Variants in GDI2 observed in about 807,000 individuals in gnomAD.
GDI2 encodes rab GDP dissociation inhibitor beta.
Under a neutral mutation model 54.2 loss-of-function variants are expected in GDI2, and 22 were observed. That is an observed-to-expected ratio of 0.41 (90% CI 0.29 to 0.58). The LOEUF (loss-of-function observed/expected upper bound fraction) is 0.58. Among genes scored for constraint, GDI2 ranks in the 20% least tolerant of loss-of-function variants. GDI2 has a pLI of 0.35. For missense variants in GDI2, 422 were observed against 546.0 expected (o/e 0.77, Z 2.26); for synonymous variants, 177 against 182.1 (o/e 0.97, Z 0.23).
At position 5,813,300 on chromosome 10, in the gene GDI2, C is replaced by A; in HGVS notation, c.-42G>T. 1 of 1,474,390 alleles carries A rather than the reference C, an allele frequency of 6.8e-7. No individual in the cohort carries two copies. The highest frequency in any genetic ancestry group is 9.3e-7 in the Non-Finnish European group (1 of 1,076,644). The allele number at this position is 1,474,390 out of a possible 1,614,324, so 91.3% of individuals were successfully genotyped here. A position where few individuals can be genotyped will look rare whatever the true frequency, so the allele number is the denominator to read the frequency against. On this transcript the variant is annotated 5_prime_UTR_variant, in exon 1 of 11. Transcript: ENST00000380191. ...ACGCAGGACCCGAGCAAGGAAAAGG[C>A]GCAGGGGCTCCGTGACCACCCTACG...
chr10:5,778,486 C>T (rs1021303616), intron 6 of GDI2, among the ~76,000 whole-genome samples: 3 of 152,152 alleles, frequency 2.0e-5, no homozygotes, highest in Admixed American at 6.5e-5. Flanking sequence ...TGAAACTATA[C>T]GTGTGTGCCA....
At chr10:5,794,027 G>A (rs1200839519) in intron 4 of GDI2, among the ~76,000 whole-genome samples, 1 of 151,418 alleles carries the variant, frequency 6.6e-6, no homozygotes, top group Non-Finnish European at 1.5e-5. Flanking sequence ...AGCCGGGCGT[G>A]TTGGTACATG....
chr10:5,780,217 A>C lies in GDI2; in HGVS notation c.719+4925T>G, dbSNP rs113968686. Among the ~76,000 whole-genome samples the C allele has an allele frequency of 6.2e-3, 889 of 144,132 alleles. 4 individuals are homozygous for C. The highest frequency in any genetic ancestry group is 0.016 in the African/African-American group (630 of 39,554). 94.6% of individuals were successfully genotyped at this position (144,132 alleles called of 152,430 possible). A position where few individuals can be genotyped will look rare whatever the true frequency, so the allele number is the denominator to read the frequency against. ...GAGTAAGATCGTGTCTCCAAAAAAA[A>C]AAACAAACAAACAAACAAACAAAAA... is the stretch of plus-strand genomic sequence containing the variant. On this transcript the variant is annotated intron_variant, in intron 6 of 10. Coordinates refer to ENST00000380191, the MANE Select transcript of GDI2 (RefSeq NM_001494.4).
chr10:5,788,502 G>A (rs577504938), intron 4 of GDI2, among the ~76,000 whole-genome samples: 2 of 152,230 alleles, frequency 1.3e-5, no homozygotes, highest in Non-Finnish European at 2.9e-5. Context: ...GATCAGAGGT[G>A]TCCAATTTTT....
At chr10:5,777,050 C>T (rs1436383974) in intron 6 of GDI2, among the ~76,000 whole-genome samples, 3 of 152,304 alleles carry the variant, frequency 2.0e-5, no homozygotes, top group East Asian at 1.9e-4. Context: ...TTCACTGACT[C>T]GAGCTAATGA....
At chr10:5,801,160 C>T (rs957860632) in intron 1 of GDI2, among the ~76,000 whole-genome samples, 2 of 151,900 alleles carry the variant, frequency 1.3e-5, no homozygotes, top group Admixed American at 1.3e-4. Flanking sequence ...ACCATGTTGG[C>T]CAGGCTGGTC....
rs1840981762 is a variant in GDI2, at chr10:5,790,280, TTCCTTA to T, written c.389-4236_389-4231del. Among the ~76,000 whole-genome samples, 8 of 152,198 alleles carry T rather than the reference TTCCTTA, an allele frequency of 5.3e-5. No individual in the cohort carries two copies. In the South Asian group the frequency reaches 1.7e-3, roughly 32 times the overall value. On this transcript the variant is annotated intron_variant, in intron 4 of 10. Coordinates refer to ENST00000380191, the MANE Select transcript of GDI2 (RefSeq NM_001494.4). ...TATGGTACTGTAAATGTACTTTCTC[TTCCTTA>T]TCATCTTCTTAAGGGCACTGTCTTT...
chr10:5,786,159 G>C (rs1840871046), intron 4 of GDI2, 109 bp from the exon 5 acceptor site: 1 of 561,262 alleles, frequency 1.8e-6, no homozygotes, highest in Admixed American at 3.4e-5. Flanking sequence ...CGGAATGCAG[G>C]ATGCAATTTT....
chr10:5,766,003 C>A lies in GDI2; in HGVS notation c.*3G>T, dbSNP rs758765170. 1 of 1,572,872 alleles carries A rather than the reference C, an allele frequency of 6.4e-7. No individual in the cohort carries two copies. Among genetic ancestry groups the A allele is most frequent in the Non-Finnish European group, 8.6e-7 (1 of 1,165,848 alleles). ...CCTAATTACATAATAACATGTACTG[C>A]TGTTAGTCTTCCCCATAGATGTCAT... On this transcript the variant is annotated 3_prime_UTR_variant, in exon 11 of 11. Transcript: ENST00000380191. This position sits in a 1 kb window ranked among gnomAD's most constrained non-coding sequence, Gnocchi z 5.8.
chr10:5,811,960 TA>T (rs146282355), intron 1 of GDI2: 149,298 of 656,662 alleles, frequency 0.23, 931 homozygotes, highest in Non-Finnish European at 0.24. Context: ...ATGTTACCTG[TA>T]AAAAAAAAAA....
At chr10:5,812,495 A>G (rs1357356404) in intron 1 of GDI2, among the ~76,000 whole-genome samples, 2 of 152,218 alleles carry the variant, frequency 1.3e-5, no homozygotes, top group East Asian at 3.8e-4. Flanking sequence ...CCCACCAAAC[A>G]AAAGGAAAAG....
rs1400051006 is a variant in GDI2, at chr10:5,796,840, G to A, written c.176C>T (p.Pro59Leu). The A allele has an allele frequency of 7.6e-6, 12 of 1,574,436 alleles. No homozygotes were observed. In the East Asian group the frequency reaches 1.8e-4, roughly 24 times the overall value. The change falls in exon 3 of 11, where the codon CCA (proline) becomes CTA (leucine). Residue 59 changes from proline (P) to leucine (L), a missense_variant. Physicochemically the swap from Pro to Leu is moderately conservative, Grantham distance 98. Coordinates refer to ENST00000380191, the MANE Select transcript of GDI2 (RefSeq NM_001494.4). ...CCCCATTGACTCGGGTGGTGATCCT[G>A]GTATTTTAAATCTTTTGTATAACTA... ...LEDLYKRFKI[P>L]GSPPESMGRG...
At chr10:5,791,481 T>TTCACGCCTGTAACCCCAGG (rs1564395079) in intron 4 of GDI2, among the ~76,000 whole-genome samples, 2 of 151,580 alleles carry the variant, frequency 1.3e-5, no homozygotes, top group African/African-American at 4.8e-5. Flanking sequence ...GGCACAGTGG[T>TTCACGCCTGTAACCCCAGG]TCACGCCTGT....
rs746851532 is a variant in GDI2, at chr10:5,766,453, C to T, written c.1136+41G>A. On this transcript the variant is annotated intron_variant, in intron 9 of 10. Coordinates refer to ENST00000380191, the MANE Select transcript of GDI2 (RefSeq NM_001494.4). The surrounding 1 kb of genome is among the most constrained non-coding windows in gnomAD (Gnocchi z 5.8). ...CCACCATGGAGCCACAATCAAAGGC[C>T]TCAGTTTGCATCTCGGCAGATATAA... 6.2e-7 allele frequency: 1 copy of T among 1,609,212 alleles called. No homozygotes were observed. The highest frequency in any genetic ancestry group is 8.5e-7 in the Non-Finnish European group (1 of 1,176,676).
intron 4 of GDI2, among the ~76,000 whole-genome samples, chr10:5,789,328 G>A (rs1588978320): frequency 6.6e-6 from 1 of 151,968 alleles, no homozygotes; most frequent in East Asian, 1.9e-4. Flanking sequence ...TCGAACTCTC[G>A]GGCTCAAGTG....
intron 1 of GDI2, among the ~76,000 whole-genome samples, chr10:5,802,837 A>G (rs1181597413): frequency 6.6e-6 from 1 of 152,230 alleles, no homozygotes; most frequent in Non-Finnish European, 1.5e-5. Flanking sequence ...AGAGGAATTC[A>G]AAGTGCAAGC....
At chr10:5,796,336 G>A (rs905815245) in intron 3 of GDI2, among the ~76,000 whole-genome samples, 2 of 128,432 alleles carry the variant, frequency 1.6e-5, no homozygotes, top group Admixed American at 9.1e-5. Context: ...GTGACAGAGC[G>A]AGACTCCGTC....
At chr10:5,803,708 GA>G (rs1564399200) in intron 1 of GDI2, among the ~76,000 whole-genome samples, 6 of 151,982 alleles carry the variant, frequency 3.9e-5, no homozygotes, top group Non-Finnish European at 8.8e-5. Flanking sequence ...TCAGGAAAAA[GA>G]TAAAGCAAGC....
At chr10:5,793,421 A>G (rs1193564890) in intron 4 of GDI2, among the ~76,000 whole-genome samples, 1 of 152,164 alleles carries the variant, frequency 6.6e-6, no homozygotes, top group Non-Finnish European at 1.5e-5. Flanking sequence ...ACTACTAACT[A>G]CCCGCAACTG....
Sources: gnomAD v4.1 joint callset for allele counts (sites outside exome capture counted in the v4.1 genomes callset) on GRCh38, gnomAD v4.1.1 for gene constraint, Gnocchi (gnomAD v3.1) non-coding constraint, MANE v1.5 for transcripts, NCBI Gene and HGNC (gene_info 2026-07-23, HGNC 2026-07-21) for gene names.